SDK2: variants seen among roughly 807,000 people sequenced by gnomAD.
SDK2 encodes the protein protein sidekick-2.
Under a neutral mutation model 253.9 loss-of-function variants are expected in SDK2, and 105 were observed. The observed-to-expected ratio is 0.41, with a 90% CI of 0.35 to 0.49. SDK2 has a LOEUF of 0.49. Ranked by LOEUF, SDK2 falls within the 20% of genes least tolerant of loss-of-function variation. SDK2 has a pLI of 0.06. For missense variants in SDK2, 2,608 were observed against 3,003.0 expected (o/e 0.87, Z 3.07); for synonymous variants, 1,249 against 1,234.9 (o/e 1.01, Z -0.24).
chr17:73,565,556 G>A (rs553237465), intron 1 of SDK2, among the ~76,000 whole-genome samples: 1 of 152,318 alleles, frequency 6.6e-6, no homozygotes, highest in South Asian at 2.1e-4. Context: ...AAAGAAAAAT[G>A]TGGTCATAAT....
At chr17:73,552,293 T>G (rs1172046315) in intron 1 of SDK2, among the ~76,000 whole-genome samples, 2 of 152,382 alleles carry the variant, frequency 1.3e-5, no homozygotes, top group African/African-American at 2.4e-5. Flanking sequence ...TTTTTTCAAT[T>G]ACCAGAATAA....
chr17:73,375,601 G>A (rs1023656933), intron 36 of SDK2, among the ~76,000 whole-genome samples: 7 of 152,204 alleles, frequency 4.6e-5, no homozygotes, highest in Non-Finnish European at 1.0e-4. Flanking sequence ...GCTCACGCCT[G>A]TAATCTCAGC....
At chr17:73,528,560 C>T (rs1203634277) in intron 1 of SDK2, among the ~76,000 whole-genome samples, 1 of 152,178 alleles carries the variant, frequency 6.6e-6, no homozygotes, top group Non-Finnish European at 1.5e-5. Flanking sequence ...GGCTCCTGCT[C>T]TCATCCCAAG....
intron 1 of SDK2, among the ~76,000 whole-genome samples, chr17:73,613,618 C>T (rs1004629384): frequency 2.5e-5 from 3 of 119,208 alleles, no homozygotes; most frequent in African/African-American, 1.0e-4. Flanking sequence ...GCCCCCTCCC[C>T]CTACATATGC....
chr17:73,554,162 CA>C (rs1357179900), intron 1 of SDK2, among the ~76,000 whole-genome samples: 1 of 152,202 alleles, frequency 6.6e-6, no homozygotes. Context: ...CTGATGAGGA[CA>C]GGGGGCAAGT....
chr17:73,627,320 C>A (rs893644063), intron 1 of SDK2, among the ~76,000 whole-genome samples: 1 of 151,702 alleles, frequency 6.6e-6, no homozygotes, highest in Non-Finnish European at 1.5e-5. Context: ...TCTTTCTTGG[C>A]GGCACATAAA....
intron 1 of SDK2, among the ~76,000 whole-genome samples, chr17:73,619,765 C>T (rs763607980): frequency 2.6e-5 from 4 of 152,054 alleles, no homozygotes; most frequent in Non-Finnish European, 5.9e-5. Flanking sequence ...TATCAAAGGG[C>T]ATGATCAGGA....
intron 25 of SDK2, among the ~76,000 whole-genome samples, chr17:73,394,707 A>G (rs1263362950): frequency 6.6e-6 from 1 of 152,166 alleles, no homozygotes; most frequent in Non-Finnish European, 1.5e-5. Flanking sequence ...TGGATGGATG[A>G]GAGTTGCCTG....
chr17:73,450,238 C>A (rs35670814), intron 4 of SDK2, among the ~76,000 whole-genome samples: 36,490 of 152,120 alleles, frequency 0.24, 5,571 homozygotes, highest in Non-Finnish European at 0.33. Flanking sequence ...GCAGCTTCCT[C>A]CTTGCTGGGC....
At chr17:73,603,336 C>CT (rs1311031864) in intron 1 of SDK2, among the ~76,000 whole-genome samples, 1 of 152,194 alleles carries the variant, frequency 6.6e-6, no homozygotes, top group African/African-American at 2.4e-5. Context: ...GCCCCCTGCG[C>CT]TAGAGAGAGA....
At chr17:73,428,094 G>A (rs562611238) in intron 12 of SDK2, among the ~76,000 whole-genome samples, 1 of 152,196 alleles carries the variant, frequency 6.6e-6, no homozygotes, top group Non-Finnish European at 1.5e-5. Flanking sequence ...AAAAGATGCT[G>A]TACATCATAT....
At chr17:73,401,895 C>A (rs1258954434) in intron 19 of SDK2, 51 bp downstream of exon 19, 1 of 1,452,306 alleles carries the variant, frequency 6.9e-7, no homozygotes, top group African/African-American at 1.4e-5. Context: ...GGGCGCCCAG[C>A]CTGGCCTTGG....
At chr17:73,459,034 CAG>C (rs2063547528) in intron 3 of SDK2, among the ~76,000 whole-genome samples, 1 of 152,066 alleles carries the variant, frequency 6.6e-6, no homozygotes, top group Non-Finnish European at 1.5e-5. Flanking sequence ...AACAAACAAA[CAG>C]ACAAAAAAAC....
At chr17:73,390,188 C>A in intron 29 of SDK2, 99 bp downstream of exon 29, 1 of 1,050,182 alleles carries the variant, frequency 9.5e-7, no homozygotes, top group Non-Finnish European at 1.3e-6. Context: ...ATCCAGGGCA[C>A]TGCAGCTCAT....
At chr17:73,386,615 A>G in intron 30 of SDK2, 67 bp from the exon 31 acceptor site, 1 of 1,069,694 alleles carries the variant, frequency 9.3e-7, no homozygotes, top group Non-Finnish European at 1.4e-6. Context: ...TGCTCCCACC[A>G]AGGAGTCTCC....
intron 43 of SDK2, among the ~76,000 whole-genome samples, chr17:73,349,226 G>T (rs1030124907): frequency 6.6e-6 from 1 of 152,202 alleles, no homozygotes; most frequent in African/African-American, 2.4e-5. Flanking sequence ...TGCTGTGGGG[G>T]CCTCAAACAG....
intron 1 of SDK2, among the ~76,000 whole-genome samples, chr17:73,577,574 G>A (rs16977680): frequency 1.3e-5 from 2 of 152,162 alleles, no homozygotes; most frequent in African/African-American, 4.8e-5. Context: ...GGATATCAAG[G>A]TGTCCTTCAT....
chr17:73,389,019 A>G (rs894627203), intron 29 of SDK2, among the ~76,000 whole-genome samples: 1 of 131,956 alleles, frequency 7.6e-6, no homozygotes, highest in African/African-American at 2.8e-5. Flanking sequence ...TTCGTTATTT[A>G]AAACACAGTC....
intron 1 of SDK2, among the ~76,000 whole-genome samples, chr17:73,514,018 C>T (rs1365061108): frequency 1.3e-5 from 2 of 152,122 alleles, no homozygotes; most frequent in South Asian, 2.1e-4. Context: ...CACTCTATAC[C>T]TTTGTGTAAC....
Sources: gnomAD v4.1 joint callset for allele counts (sites outside exome capture counted in the v4.1 genomes callset) on GRCh38, gnomAD v4.1.1 for gene constraint, MANE v1.5 for transcripts, NCBI Gene and HGNC (gene_info 2026-07-23, HGNC 2026-07-21) for gene names.